Variants in LAMA4 observed in about 807,000 individuals in gnomAD.
LAMA4 encodes laminin subunit alpha 4.
A neutral mutation model predicts 207.1 loss-of-function variants in LAMA4; 127 were observed. The observed-to-expected ratio is 0.61, with a 90% CI of 0.53 to 0.71. The LOEUF is 0.71. LAMA4 is among the 30% of genes least tolerant of loss of function. The pLI, the probability that LAMA4 is intolerant of heterozygous loss-of-function variation, is 0.00. For synonymous variants in LAMA4, 761 were observed against 816.0 expected (o/e 0.93, Z 1.15); for missense variants, 2,093 against 2,246.5 (o/e 0.93, Z 1.38).
chr6:112,126,669 GT>G (rs1343262249), intron 31 of LAMA4, among the ~76,000 whole-genome samples: 1 of 152,184 alleles, frequency 6.6e-6, no homozygotes, highest in Non-Finnish European at 1.5e-5. Flanking sequence ...AATGGAGAAG[GT>G]GGTGGAGACA....
At chr6:112,195,756 A>G (rs1011300392) in intron 5 of LAMA4, among the ~76,000 whole-genome samples, 7 of 152,216 alleles carry the variant, frequency 4.6e-5, no homozygotes, top group Non-Finnish European at 8.8e-5. Flanking sequence ...ATACTATTAA[A>G]GCTGCTATGG....
intron 2 of LAMA4, among the ~76,000 whole-genome samples, chr6:112,228,985 A>G (rs556413836): frequency 6.6e-6 from 1 of 152,316 alleles, no homozygotes; most frequent in African/African-American, 2.4e-5. Context: ...AGATGTGCGA[A>G]GTGATACCTG....
At chr6:112,176,076 T>C (rs1050388098) in intron 10 of LAMA4, among the ~76,000 whole-genome samples, 18 of 152,234 alleles carry the variant, frequency 1.2e-4, no homozygotes. Context: ...TATAATATGA[T>C]GTGAGCTTTT....
chr6:112,249,143 C>T (rs1787231502), intron 2 of LAMA4, among the ~76,000 whole-genome samples: 1 of 152,120 alleles, frequency 6.6e-6, no homozygotes, highest in African/African-American at 2.4e-5. Flanking sequence ...TTTTATATTT[C>T]TTCATTTAAA....
Position 112,160,514 on chromosome 6 carries a change from T to G in LAMA4, c.1669-1634A>C, listed in dbSNP as rs1583757409. ...GCTCCCTTCTAGCTTTTTCTCTTGC[T>G]TTGACACAGTGCACTTTACAGAAAT... On this transcript the variant is annotated intron_variant, in intron 13 of 38. Transcript: ENST00000230538. 3.3e-5 allele frequency among the ~76,000 whole-genome samples: 5 copies of G among 152,320 alleles called. 1 individual carries two copies. Among genetic ancestry groups the G allele is most frequent in the Admixed American group, 3.3e-4 (5 of 15,298 alleles).
At chr6:112,206,989 A>G in intron 4 of LAMA4, 32 bp downstream of exon 4, 3 of 1,612,604 alleles carry the variant, frequency 1.9e-6, no homozygotes, top group Non-Finnish European at 2.5e-6. Flanking sequence ...TAGACTGATC[A>G]TTAGAAGAGA....
intron 33 of LAMA4, among the ~76,000 whole-genome samples, chr6:112,119,873 T>C (rs995391083): frequency 3.3e-5 from 5 of 152,230 alleles, no homozygotes; most frequent in African/African-American, 1.2e-4. Context: ...TACCCACCAA[T>C]TTCTTTCAAT....
intron 5 of LAMA4, among the ~76,000 whole-genome samples, chr6:112,201,321 T>C (rs1783733913): frequency 6.6e-6 from 1 of 152,232 alleles, no homozygotes; most frequent in Non-Finnish European, 1.5e-5. Context: ...ACCAAAACCA[T>C]CTAGAGAATC....
At chr6:112,184,332 A>T (rs1554346041) in intron 9 of LAMA4, among the ~76,000 whole-genome samples, 1 of 151,984 alleles carries the variant, frequency 6.6e-6, no homozygotes, top group Non-Finnish European at 1.5e-5. Context: ...TAGAAAAAAA[A>T]AAAAAAACTG....
At chr6:112,225,604 G>A (rs1168530781) in intron 2 of LAMA4, among the ~76,000 whole-genome samples, 1 of 152,124 alleles carries the variant, frequency 6.6e-6, no homozygotes, top group Admixed American at 6.5e-5. Flanking sequence ...AGAGTCTCAA[G>A]TGAGATTGAC....
At chr6:112,228,471 C>T (rs1785355224) in intron 2 of LAMA4, among the ~76,000 whole-genome samples, 1 of 151,982 alleles carries the variant, frequency 6.6e-6, no homozygotes, top group South Asian at 2.1e-4. Flanking sequence ...CAGGAATAAT[C>T]AAAATTCACC....
At chr6:112,144,054 AT>A (rs1359529366) in intron 19 of LAMA4, among the ~76,000 whole-genome samples, 1 of 152,222 alleles carries the variant, frequency 6.6e-6, no homozygotes, top group Non-Finnish European at 1.5e-5. Context: ...AACTGAGAAA[AT>A]AAAACCATAT....
In LAMA4 at chr6:112,117,706, C is replaced by A. The variant is rs781901941; in HGVS notation, c.4981+33G>T. 1.0e-5 allele frequency: 16 copies of A among 1,592,356 alleles called. No homozygotes were observed. The highest frequency in any genetic ancestry group is 1.3e-5 in the Non-Finnish European group (15 of 1,165,650). The stretch of plus-strand genomic sequence containing the variant: ...TAGCCATCTCCAGGAAGAAGCATTT[C>A]ATGACTCATATTTTTAACATGACTA... On this transcript the variant is annotated intron_variant, in intron 35 of 38. Transcript: ENST00000230538. The surrounding 1 kb of genome is among the most constrained non-coding windows in gnomAD (Gnocchi z 4.5).
intron 2 of LAMA4, among the ~76,000 whole-genome samples, chr6:112,241,201 GATATATATGAATGTATATATATGAT>G (rs1786479415): frequency 5.0e-5 from 3 of 59,410 alleles, no homozygotes; most frequent in African/African-American, 1.4e-4. Flanking sequence ...GAATATATAT[GATATATATGAATGTATATATATGAT>G]ATATATATGA....
chr6:112,204,925 TGTA>T (rs1480943043), intron 4 of LAMA4, among the ~76,000 whole-genome samples: 2 of 152,266 alleles, frequency 1.3e-5, no homozygotes, highest in South Asian at 2.1e-4. Context: ...CTGTTAGACT[TGTA>T]GTATTTGAAT....
At chr6:112,150,894 T>A (rs1271497004) in intron 16 of LAMA4, among the ~76,000 whole-genome samples, 1 of 152,160 alleles carries the variant, frequency 6.6e-6, no homozygotes, top group Non-Finnish European at 1.5e-5. Context: ...AGCCCTGCCA[T>A]GACTAATAAC....
At chr6:112,157,535 A>G (rs2227237) in intron 14 of LAMA4, among the ~76,000 whole-genome samples, 47,390 of 152,070 alleles carry the variant, frequency 0.31, 7,920 homozygotes, top group African/African-American at 0.44. Context: ...TATTCTAAAT[A>G]CAAAAGGACT....
Position 112,191,843 on chromosome 6 carries a change from G to A in LAMA4, c.511C>T (p.Pro171Ser). Residue 171 changes from proline to serine, a missense_variant, in exon 6 of 39, where the codon CCC becomes TCC. Around this residue, in one of 3 missense-constraint regions of LAMA4, gnomAD observed 1,704 missense variants for 1,788.4 expected, o/e 0.95. Coordinates refer to ENST00000230538, the MANE Select transcript of LAMA4 (RefSeq NM_001105206.3). ...AGTAAGGGGTTTCCATAGTAACCGG[G>A]AGCACATCTGAAGAGGAATATCACA... Reference protein sequence around the residue: ...YAGPNCERCAPGYYGNPLLIG... With the variant: ...YAGPNCERCASGYYGNPLLIG... 1 of 1,610,808 alleles carries A rather than the reference G, an allele frequency of 6.2e-7. No homozygotes were observed. The highest frequency in any genetic ancestry group is 1.3e-5 in the African/African-American group (1 of 74,940).
intron 6 of LAMA4, 108 bp from the exon 7 acceptor site, chr6:112,189,313 A>G (rs971745427): frequency 4.5e-5 from 34 of 747,964 alleles, no homozygotes; most frequent in African/African-American, 2.8e-4. Flanking sequence ...TAATTCATCA[A>G]TGGGAATTAA....
Sources: gnomAD v4.1 joint callset for allele counts (sites outside exome capture counted in the v4.1 genomes callset) on GRCh38, gnomAD v4.1.1 for gene constraint, gnomAD v4.1.1 regional missense constraint, Gnocchi (gnomAD v3.1) non-coding constraint, MANE v1.5 for transcripts, NCBI Gene and HGNC (gene_info 2026-07-23, HGNC 2026-07-21) for gene names.